Variants in CDH23 observed in about 807,000 individuals in gnomAD.
The protein encoded by CDH23 is cadherin-23.
A neutral mutation model predicts 317.1 loss-of-function variants in CDH23; 189 were observed. That is an observed-to-expected ratio of 0.60 (90% CI 0.53 to 0.67). The LOEUF (loss-of-function observed/expected upper bound fraction) is 0.67. CDH23 is among the 30% of genes least tolerant of loss of function. The pLI is 0.00. For missense variants in CDH23, 4,401 were observed against 4,592.4 expected (o/e 0.96, Z 1.20); for synonymous variants, 1,839 against 1,876.8 (o/e 0.98, Z 0.52).
chr10:71,812,108 C>A lies in CDH23; in HGVS notation c.9380+93C>A, dbSNP rs978637567. 3 of 1,607,490 alleles carry A rather than the reference C, an allele frequency of 1.9e-6. No homozygotes were observed. In the African/African-American group the frequency reaches 4.0e-5, roughly 21 times the overall value. ...TGCAGTCTCCCAGCGCTGGGGCTGCCGAAACCCAGGCTGTGGGCGCCCCCT... is the reference window on the plus strand; with the variant it reads ...TGCAGTCTCCCAGCGCTGGGGCTGCAGAAACCCAGGCTGTGGGCGCCCCCT... On this transcript the variant is annotated intron_variant, in intron 66 of 69. Transcript: ENST00000224721.
chr10:71,627,870 T>C (rs1391713222), intron 11 of CDH23, among the ~76,000 whole-genome samples: 1 of 152,134 alleles, frequency 6.6e-6, no homozygotes, highest in Non-Finnish European at 1.5e-5. Context: ...AAGACCCCAA[T>C]GGGAATCAGA....
intron 11 of CDH23, among the ~76,000 whole-genome samples, chr10:71,626,423 C>T (rs565848598): frequency 5.3e-5 from 8 of 152,288 alleles, no homozygotes; most frequent in African/African-American, 1.9e-4. Context: ...AGACAAGACC[C>T]GTGGCTCCAT....
At chr10:71,637,976 A>G (rs1239776895) in intron 11 of CDH23, among the ~76,000 whole-genome samples, 3 of 152,124 alleles carry the variant, frequency 2.0e-5, no homozygotes, top group Non-Finnish European at 2.9e-5. Flanking sequence ...TGTAGTTTAC[A>G]GGGTTGGTTG....
intron 52 of CDH23, 46 bp downstream of exon 52, chr10:71,799,675 A>C (rs758082944): frequency 2.5e-6 from 4 of 1,613,458 alleles, no homozygotes; most frequent in Non-Finnish European, 3.4e-6. Flanking sequence ...GGAAGGACCC[A>C]GGGTCAGAGA....
At chr10:71,506,714 G>T (rs1437746160) in intron 3 of CDH23, among the ~76,000 whole-genome samples, 2 of 152,124 alleles carry the variant, frequency 1.3e-5, no homozygotes, top group Admixed American at 6.5e-5. Flanking sequence ...GCTGGGCGGA[G>T]GAGTATGTGC....
chr10:71,791,370 A>G lies in CDH23; in HGVS notation c.6253+35A>G, dbSNP rs575129469. On this transcript the variant is annotated intron_variant, in intron 47 of 69. Coordinates refer to ENST00000224721, the MANE Select transcript of CDH23 (RefSeq NM_022124.6). ...GGACAGGCCCCAGCACCCCACAACC[A>G]GGGGCCGGTTGGTGGTCACAGGGGA... The G allele has an allele frequency of 2.4e-4, 376 of 1,577,434 alleles. 5 individuals are homozygous for G. The South Asian group carries it at 3.9e-3, about 16-fold the overall frequency.
intron 1 of CDH23, among the ~76,000 whole-genome samples, chr10:71,439,450 G>A (rs1399905747): frequency 6.6e-6 from 1 of 152,100 alleles, no homozygotes; most frequent in Non-Finnish European, 1.5e-5. Context: ...GTCACTCTTG[G>A]GGGATGTGGT....
At chr10:71,813,108 G>A in intron 68 of CDH23, 136 bp from the exon 69 acceptor site, 1 of 1,115,812 alleles carries the variant, frequency 9.0e-7, no homozygotes. Context: ...ACTGTCTCCA[G>A]GCTCTGCCGC....
chr10:71,528,068 A>G (rs1855142296), intron 6 of CDH23, among the ~76,000 whole-genome samples: 2 of 152,304 alleles, frequency 1.3e-5, no homozygotes, highest in South Asian at 4.1e-4. Context: ...GTTATAAGAA[A>G]CACATGAGCC....
intron 8 of CDH23, among the ~76,000 whole-genome samples, chr10:71,571,439 A>G (rs1296446933): frequency 6.6e-6 from 1 of 152,172 alleles, no homozygotes; most frequent in African/African-American, 2.4e-5. Flanking sequence ...GGATTTCTTA[A>G]GTCCAGGTTT....
At chr10:71,746,116 C>G (rs574084108) in intron 38 of CDH23, among the ~76,000 whole-genome samples, 1 of 152,332 alleles carries the variant, frequency 6.6e-6, no homozygotes, top group South Asian at 2.1e-4. Flanking sequence ...CCTCCAGGAG[C>G]CTACGGTCTG....
intron 6 of CDH23, among the ~76,000 whole-genome samples, chr10:71,515,394 T>TCTCTCTCTCTCTCTCTCTCA (rs1491490493): frequency 1.9e-4 from 5 of 26,626 alleles, no homozygotes; most frequent in African/African-American, 3.4e-4. Flanking sequence ...TCTCTCTCTC[T>TCTCTCTCTCTCTCTCTCTCA]CACACACACA....
intron 55 of CDH23, among the ~76,000 whole-genome samples, chr10:71,805,432 G>A (rs7076717): frequency 0.79 from 120,371 of 152,174 alleles, 47,774 homozygotes; most frequent in African/African-American, 0.85. Flanking sequence ...GATACAGGAC[G>A]AAGGGTGGCT....
At chr10:71,498,884 G>T (rs115664424) in intron 3 of CDH23, among the ~76,000 whole-genome samples, 2,601 of 152,264 alleles carry the variant, frequency 0.017, 60 homozygotes, top group African/African-American at 0.054. Flanking sequence ...TCTTTCCTCT[G>T]GGGCATATTA....
At chr10:71,717,513 T>C (rs1178170598) in intron 28 of CDH23, 1 of 152,282 alleles carries the variant, frequency 6.6e-6, no homozygotes, top group Admixed American at 6.5e-5. Context: ...TTAGACGCAG[T>C]GCAGCAGACG....
chr10:71,669,977 G>A (rs939521021), intron 14 of CDH23, among the ~76,000 whole-genome samples: 2 of 150,280 alleles, frequency 1.3e-5, no homozygotes, highest in African/African-American at 4.9e-5. Context: ...CTCCAGCCTG[G>A]GTGACAGAGC....
chr10:71,694,395 C>T (rs1427337693), intron 21 of CDH23, 136 bp downstream of exon 21: 4 of 646,432 alleles, frequency 6.2e-6, no homozygotes, highest in Admixed American at 2.5e-5. Context: ...AAAATGAACC[C>T]ATCAGCAGCA....
At chr10:71,425,846 G>A (rs768624993) in intron 1 of CDH23, among the ~76,000 whole-genome samples, 3 of 152,198 alleles carry the variant, frequency 2.0e-5, no homozygotes, top group Non-Finnish European at 4.4e-5. Context: ...CAGAGTTAAA[G>A]TCATCACGGA....
At chr10:71,478,743 A>C (rs1271420536) in intron 3 of CDH23, among the ~76,000 whole-genome samples, 2 of 152,116 alleles carry the variant, frequency 1.3e-5, no homozygotes, top group East Asian at 3.9e-4. Flanking sequence ...CCCCAAATTC[A>C]ATGGTACATT....
Sources: allele counts gnomAD v4.1 joint callset (sites outside exome capture counted in the v4.1 genomes callset), GRCh38; gene constraint gnomAD v4.1.1; transcripts MANE v1.5; gene names NCBI Gene and HGNC (gene_info 2026-07-23, HGNC 2026-07-21).